GALNT18: variants seen among roughly 807,000 people sequenced by gnomAD.
GALNT18 encodes polypeptide N-acetylgalactosaminyltransferase 18, also known as GalNAc-transferase 18.
In GALNT18, 44 loss-of-function variants were observed where a neutral mutation model predicts 69.5. The ratio of observed to expected loss-of-function variants is 0.63; its 90% CI spans 0.50 to 0.81. GALNT18 has a LOEUF of 0.81. Among genes scored for constraint, GALNT18 ranks in the 40% least tolerant of loss-of-function variants. The probability of loss-of-function intolerance (pLI) is 0.00; values close to 1 mark genes in which losing one functional copy is unlikely to be tolerated. For synonymous variants in GALNT18, 364 were observed against 318.2 expected, an observed-to-expected ratio of 1.14 and a Z score of -1.53; for missense variants, 715 against 810.0, an observed-to-expected ratio of 0.88 and a Z score of 1.42.
At chr11:11,344,955 G>A (rs1335075883) in intron 6 of GALNT18, among the ~76,000 whole-genome samples, 2 of 152,186 alleles carry the variant, frequency 1.3e-5, no homozygotes, top group African/African-American at 2.4e-5. Flanking sequence ...GATACTGGAA[G>A]CCCTCAGTCT....
chr11:11,398,889 G>A (rs1391349751), intron 3 of GALNT18, among the ~76,000 whole-genome samples: 1 of 152,182 alleles, frequency 6.6e-6, no homozygotes, highest in African/African-American at 2.4e-5. Flanking sequence ...ATGGACAGAG[G>A]GAGGTGCTTA....
intron 3 of GALNT18, among the ~76,000 whole-genome samples, chr11:11,425,578 T>C (rs1294458078): frequency 6.6e-6 from 1 of 151,806 alleles, no homozygotes; most frequent in Non-Finnish European, 1.5e-5. Flanking sequence ...AGGACAGGAG[T>C]TCAAAAAGGA....
rs61001797 is a variant in GALNT18 at position 11,497,327 on chromosome 11, AAC to A, written c.236-48393_236-48392del. On this transcript the variant is annotated intron_variant, in intron 1 of 10. Coordinates refer to ENST00000227756, the MANE Select transcript of GALNT18 (RefSeq NM_198516.3). The surrounding 1 kb of genome is among the most constrained non-coding windows in gnomAD (Gnocchi z 4.2). ...TATTTATGTTTTACCTCCTGTCTCC[AAC>A]ACACACACACACACACACACACACA... Among the ~76,000 whole-genome samples the A allele has an allele frequency of 0.12, 15,563 of 132,132 alleles. 889 individuals carry two copies. The highest frequency in any genetic ancestry group is 0.14 in the Middle Eastern group (33 of 230). 86.7% of individuals were successfully genotyped at this position (132,132 alleles called of 152,430 possible).
rs1221343343 is a variant in GALNT18, at chr11:11,592,686, A to T, written c.235+28673T>A. Among the ~76,000 whole-genome samples the T allele has an allele frequency of 1.3e-5, 2 of 152,196 alleles. No individual in the cohort carries two copies. The highest frequency in any genetic ancestry group is 4.8e-5 in the African/African-American group (2 of 41,458). On this transcript the variant is annotated intron_variant, in intron 1 of 10. Transcript: ENST00000227756. The surrounding 1 kb of genome is among the most constrained non-coding windows in gnomAD (Gnocchi z 5.9). The stretch of plus-strand genomic sequence containing the variant: ...TAAAAATCCCACCACTCCCCAAAGC[A>T]CATTTGGGAGTTCCAACTCTTTGAA...
intron 1 of GALNT18, among the ~76,000 whole-genome samples, chr11:11,556,988 GC>G (rs895788669): frequency 6.6e-5 from 10 of 152,318 alleles, no homozygotes; most frequent in African/African-American, 2.4e-4. Context: ...ACATTAGTCT[GC>G]CCAGGAGGCC....
chr11:11,428,417 C>T (rs954569533), intron 3 of GALNT18, among the ~76,000 whole-genome samples: 1 of 152,252 alleles, frequency 6.6e-6, no homozygotes, highest in African/African-American at 2.4e-5. Context: ...CCCCTTCCCA[C>T]CATGTCTGGC....
At position 11,545,653 on chromosome 11, in the gene GALNT18, C is replaced by T. The variant is rs569684379; in HGVS notation, c.235+75706G>A. ...CAGTTGCCACAGGACCAAGAAAAAC[C>T]ACTAAAAAGCGTTTTCCCATCAAAA... On this transcript the variant is annotated intron_variant, in intron 1 of 10. Transcript: ENST00000227756. Among the ~76,000 whole-genome samples, 17 of 152,304 alleles carry T rather than the reference C, an allele frequency of 1.1e-4. No homozygotes were observed. In the South Asian group the frequency reaches 2.1e-3, roughly 19 times the overall value.
Position 11,444,124 on chromosome 11 carries a change from G to C in GALNT18, c.428+4620C>G, listed in dbSNP as rs976243388. On this transcript the variant is annotated intron_variant, in intron 2 of 10. Coordinates refer to ENST00000227756, the MANE Select transcript of GALNT18 (RefSeq NM_198516.3). This position sits in a 1 kb window ranked among gnomAD's most constrained non-coding sequence, Gnocchi z 4.4. ...TAAAACAACTCTCCCCAGGGAAGCCGGCACAGGGAGGTGCCTTGCAGATGC... is the reference window on the plus strand; with the variant it reads ...TAAAACAACTCTCCCCAGGGAAGCCCGCACAGGGAGGTGCCTTGCAGATGC... Among the ~76,000 whole-genome samples, 1 of 152,094 alleles carries C rather than the reference G, an allele frequency of 6.6e-6. No individual in the cohort carries two copies. Among genetic ancestry groups the C allele is most frequent in the East Asian group, 1.9e-4 (1 of 5,178 alleles).
intron 3 of GALNT18, among the ~76,000 whole-genome samples, chr11:11,408,804 A>T (rs149890443): frequency 1.4e-3 from 216 of 152,262 alleles, no homozygotes; most frequent in African/African-American, 4.7e-3. Context: ...TTCCTTGAAG[A>T]CACAGGATGA....
intron 1 of GALNT18, among the ~76,000 whole-genome samples, chr11:11,482,585 C>G (rs1048360296): frequency 1.7e-4 from 26 of 152,206 alleles, no homozygotes. Flanking sequence ...GTCACACCAG[C>G]TTGGATTCCC....
chr11:11,416,694 GCCA>G (rs1854869948), intron 3 of GALNT18, among the ~76,000 whole-genome samples: 3 of 152,068 alleles, frequency 2.0e-5, no homozygotes, highest in Admixed American at 2.0e-4. Flanking sequence ...GATGGCAGCC[GCCA>G]CCACACCAAC....
In GALNT18 at chr11:11,596,771, C is replaced by T. The variant is rs1415558479; in HGVS notation, c.235+24588G>A. 2.0e-5 allele frequency among the ~76,000 whole-genome samples: 3 copies of T among 152,102 alleles called. No homozygotes were observed. The highest frequency in any genetic ancestry group is 3.8e-4 in the East Asian group (2 of 5,204). ...GATTTTTAGTGGATTCCCTAGGATA[C>T]ATGATTATGTCATCTGCAAACAGAG... On this transcript the variant is annotated intron_variant, in intron 1 of 10. Coordinates refer to ENST00000227756, the MANE Select transcript of GALNT18 (RefSeq NM_198516.3). The surrounding 1 kb of genome is among the most constrained non-coding windows in gnomAD (Gnocchi z 4.2).
In GALNT18 at chr11:11,318,560, T is replaced by A. The variant is rs748207388; in HGVS notation, c.1512+8526A>T. Among the ~76,000 whole-genome samples, 1 of 152,174 alleles carries A rather than the reference T, an allele frequency of 6.6e-6. No homozygotes were observed. The highest frequency in any genetic ancestry group is 6.5e-5 in the Admixed American group (1 of 15,284). On this transcript the variant is annotated intron_variant, in intron 9 of 10. Coordinates refer to ENST00000227756, the MANE Select transcript of GALNT18 (RefSeq NM_198516.3). This position sits in a 1 kb window ranked among gnomAD's most constrained non-coding sequence, Gnocchi z 5.1. ...GATCTCGAACTTCTAGGCTTCAGAA[T>A]TGTGAGACAGTAATTTTCTGTCGTT...
intron 6 of GALNT18, among the ~76,000 whole-genome samples, chr11:11,358,836 C>CACAT: frequency 8.2e-6 from 1 of 122,224 alleles, no homozygotes; most frequent in African/African-American, 3.3e-5. Flanking sequence ...AACACACACA[C>CACAT]ACACACACAC....
chr11:11,553,705 C>T (rs970206054), intron 1 of GALNT18, among the ~76,000 whole-genome samples: 85 of 152,288 alleles, frequency 5.6e-4, no homozygotes, highest in African/African-American at 2.0e-3. Flanking sequence ...CCACAATTCC[C>T]ACCCGATGGC....
At position 11,317,582 on chromosome 11, in the gene GALNT18, T is replaced by G. The variant is rs114744085; in HGVS notation, c.1512+9504A>C. Among the ~76,000 whole-genome samples, 746 of 152,292 alleles carry G rather than the reference T, an allele frequency of 4.9e-3. 6 individuals carry two copies. Among genetic ancestry groups the G allele is most frequent in the African/African-American group, 0.017 (713 of 41,564 alleles). On this transcript the variant is annotated intron_variant, in intron 9 of 10. Transcript: ENST00000227756. ...TGTCCTTTGCCCATTCTTAATGGGTTATTTGTTTTTGCTTGTTGAGTTGTT... is the reference window on the plus strand; with the variant it reads ...TGTCCTTTGCCCATTCTTAATGGGTGATTTGTTTTTGCTTGTTGAGTTGTT...
intron 3 of GALNT18, among the ~76,000 whole-genome samples, chr11:11,400,362 T>C (rs1427438282): frequency 2.6e-5 from 4 of 152,230 alleles, no homozygotes; most frequent in African/African-American, 9.6e-5. Context: ...TGGCAATAGA[T>C]AGTTAACGCA....
chr11:11,388,502 T>G (rs1235246395), intron 3 of GALNT18, among the ~76,000 whole-genome samples: 1 of 152,096 alleles, frequency 6.6e-6, no homozygotes, highest in Admixed American at 6.6e-5. Context: ...TAAGACAAAA[T>G]AAAACAAACA....
chr11:11,554,354 GGGGGACCACCGTGAC>G (rs1470617544), intron 1 of GALNT18, among the ~76,000 whole-genome samples: 2 of 151,938 alleles, frequency 1.3e-5, no homozygotes, highest in African/African-American at 4.8e-5. Flanking sequence ...AGAGAGAAGT[GGGGGACCACCGTGAC>G]GGGGAGGCAC....
Sources: gnomAD v4.1 joint callset for allele counts (sites outside exome capture counted in the v4.1 genomes callset) on GRCh38, gnomAD v4.1.1 for gene constraint, Gnocchi (gnomAD v3.1) non-coding constraint, MANE v1.5 for transcripts, NCBI Gene and HGNC (gene_info 2026-07-23, HGNC 2026-07-21) for gene names.